The following NEGR1 variants were observed in gnomAD, a reference collection of about 807,000 sequenced individuals.
The protein encoded by NEGR1 is neuronal growth regulator 1, also known as IgLON family member 4.
Under a neutral mutation model 40.9 loss-of-function variants are expected in NEGR1, and 10 were observed. That is an observed-to-expected ratio of 0.24 (90% CI 0.15 to 0.42). The LOEUF (loss-of-function observed/expected upper bound fraction) is 0.42, where lower values mean the gene tolerates loss of function less well. Among genes scored for constraint, NEGR1 ranks in the 10% least tolerant of loss-of-function variants. The pLI is 1.00. For missense variants in NEGR1, 352 were observed against 438.9 expected (o/e 0.80, Z 1.77); for synonymous variants, 185 against 166.8 (o/e 1.11, Z -0.84).
chr1:71,882,932 A>G (rs1487468414), intron 2 of NEGR1, among the ~76,000 whole-genome samples: 1 of 152,102 alleles, frequency 6.6e-6, no homozygotes, highest in African/African-American at 2.4e-5. Flanking sequence ...ATGGGAGAAA[A>G]TATATGTAAA....
At chr1:71,428,516 T>C (rs1420094753) in intron 6 of NEGR1, among the ~76,000 whole-genome samples, 2 of 152,140 alleles carry the variant, frequency 1.3e-5, no homozygotes, top group East Asian at 1.9e-4. Context: ...AGCTGAAAGA[T>C]AATGAATAAT....
At chr1:71,599,230 A>C (rs1278295566) in intron 5 of NEGR1, among the ~76,000 whole-genome samples, 1 of 152,220 alleles carries the variant, frequency 6.6e-6, no homozygotes, top group African/African-American at 2.4e-5. Flanking sequence ...GTTCAATGAT[A>C]GAGTCTTTTT....
At chr1:71,768,188 G>T (rs759944724) in intron 3 of NEGR1, among the ~76,000 whole-genome samples, 10 of 152,072 alleles carry the variant, frequency 6.6e-5, no homozygotes, top group Non-Finnish European at 1.5e-4. Context: ...GCCCCAGAAT[G>T]GTAGATCCAC....
chr1:71,726,140 TG>T (rs1288169337), intron 3 of NEGR1, among the ~76,000 whole-genome samples: 1 of 152,162 alleles, frequency 6.6e-6, no homozygotes, highest in Admixed American at 6.6e-5. Context: ...CAAGTACAGC[TG>T]TTACTGTCAA....
intron 6 of NEGR1, among the ~76,000 whole-genome samples, chr1:71,550,140 T>C (rs1239782957): frequency 6.6e-6 from 1 of 151,596 alleles, no homozygotes; most frequent in African/African-American, 2.4e-5. Flanking sequence ...CAGACAGTCT[T>C]TGAGTTTTTT....
At chr1:72,271,302 A>T (rs1655836072) in intron 1 of NEGR1, among the ~76,000 whole-genome samples, 1 of 151,892 alleles carries the variant, frequency 6.6e-6, no homozygotes, top group African/African-American at 2.4e-5. Flanking sequence ...CGATGTGAAT[A>T]GGTTCTTGGA....
At chr1:72,040,283 T>C (rs1646940595) in intron 1 of NEGR1, among the ~76,000 whole-genome samples, 2 of 151,754 alleles carry the variant, frequency 1.3e-5, no homozygotes, top group Admixed American at 6.6e-5. Context: ...AATTGTTACA[T>C]TAGAGGAAAG....
chr1:71,709,625 C>T (rs1366248811), intron 3 of NEGR1, among the ~76,000 whole-genome samples: 1 of 152,150 alleles, frequency 6.6e-6, no homozygotes, highest in Non-Finnish European at 1.5e-5. Context: ...AAAAGGCAGT[C>T]TCTTCAATAA....
chr1:71,857,502 C>T (rs889224879), intron 2 of NEGR1, among the ~76,000 whole-genome samples: 9 of 147,598 alleles, frequency 6.1e-5, no homozygotes, highest in Non-Finnish European at 1.3e-4. Flanking sequence ...GTGGCACACA[C>T]CTATAGTCCC....
chr1:72,038,621 A>C (rs1386445661), intron 1 of NEGR1, among the ~76,000 whole-genome samples: 2 of 152,044 alleles, frequency 1.3e-5, no homozygotes, highest in African/African-American at 4.8e-5. Context: ...TTCTGTCTTC[A>C]AAAAGCTTAT....
intron 4 of NEGR1, among the ~76,000 whole-genome samples, chr1:71,687,314 T>A (rs1653072083): frequency 6.6e-6 from 1 of 152,214 alleles, no homozygotes; most frequent in Admixed American, 6.5e-5. Flanking sequence ...CTTATAAACA[T>A]GGAACACACC....
At chr1:71,407,743 T>C (rs1646287577) in intron 6 of NEGR1, 173 bp from the exon 7 acceptor site, 1 of 552,772 alleles carries the variant, frequency 1.8e-6, no homozygotes, top group Non-Finnish European at 3.3e-6. Flanking sequence ...GTGGCTAACT[T>C]CTCAGAGCTT....
intron 4 of NEGR1, among the ~76,000 whole-genome samples, chr1:71,659,239 G>C (rs1651976076): frequency 6.6e-6 from 1 of 152,142 alleles, no homozygotes; most frequent in African/African-American, 2.4e-5. Context: ...AGCCAATTGT[G>C]TGTTGTACAG....
intron 3 of NEGR1, among the ~76,000 whole-genome samples, chr1:71,701,289 G>T (rs1443613163): frequency 6.6e-6 from 1 of 151,848 alleles, no homozygotes; most frequent in Non-Finnish European, 1.5e-5. Context: ...GTTGTAGGGA[G>T]AATTAAGTTT....
At chr1:72,146,602 C>A (rs1444730824) in intron 1 of NEGR1, among the ~76,000 whole-genome samples, 1 of 151,814 alleles carries the variant, frequency 6.6e-6, no homozygotes, top group Non-Finnish European at 1.5e-5. Context: ...TATCTCCAGG[C>A]CATATTTATA....
At chr1:72,250,683 C>T (rs561018681) in intron 1 of NEGR1, among the ~76,000 whole-genome samples, 49 of 152,132 alleles carry the variant, frequency 3.2e-4, no homozygotes, top group African/African-American at 1.1e-3. Context: ...GATAGTTAAC[C>T]GTGAAATTCT....
chr1:71,484,774 CCTT>C (rs1569931556), intron 6 of NEGR1: 1 of 151,656 alleles, frequency 6.6e-6, no homozygotes, highest in East Asian at 1.9e-4. Context: ...CAGTCTAACT[CCTT>C]CTTTGCAGGG....
chr1:71,584,284 T>C (rs1201772784), intron 6 of NEGR1, among the ~76,000 whole-genome samples: 1 of 152,188 alleles, frequency 6.6e-6, no homozygotes, highest in African/African-American at 2.4e-5. Flanking sequence ...TTTAGAGTGC[T>C]TTAGAGAAAG....
chr1:72,081,985 T>A (rs1648017742), intron 1 of NEGR1, among the ~76,000 whole-genome samples: 1 of 152,100 alleles, frequency 6.6e-6, no homozygotes. Context: ...GAGATTTTAG[T>A]AAGGGGTGTA....
Sources: gnomAD v4.1 joint callset for allele counts (sites outside exome capture counted in the v4.1 genomes callset) on GRCh38, gnomAD v4.1.1 for gene constraint, MANE v1.5 for transcripts, NCBI Gene and HGNC (gene_info 2026-07-23, HGNC 2026-07-21) for gene names.